The following RAD18 variants were observed in gnomAD, a reference collection of about 807,000 sequenced individuals.
The protein encoded by RAD18 is RAD18 E3 ubiquitin protein ligase.
Under a neutral mutation model 60.4 loss-of-function variants are expected in RAD18, and 47 were observed. The ratio of observed to expected loss-of-function variants is 0.78; its 90% CI spans 0.62 to 0.99. The LOEUF (loss-of-function observed/expected upper bound fraction) is 0.99. Among genes scored for constraint, RAD18 ranks in the 50% least tolerant of loss-of-function variants. The pLI is 0.00. For synonymous variants in RAD18, 225 were observed against 195.5 expected (o/e 1.15, Z -1.26); for missense variants, 640 against 593.3 (o/e 1.08, Z -0.82).
At chr3:8,926,066 A>G (rs1940427830) in intron 7 of RAD18, among the ~76,000 whole-genome samples, 1 of 152,006 alleles carries the variant, frequency 6.6e-6, no homozygotes, top group Non-Finnish European at 1.5e-5. Flanking sequence ...GGCCAGGGCA[A>G]TTAGGCAGGA....
intron 7 of RAD18, among the ~76,000 whole-genome samples, chr3:8,933,341 G>A (rs1490327373): frequency 6.6e-6 from 1 of 152,136 alleles, no homozygotes; most frequent in African/African-American, 2.4e-5. Flanking sequence ...CAGCAAAGGG[G>A]CACTGGAACT....
At chr3:8,905,195 C>A (rs185024611) in intron 9 of RAD18, among the ~76,000 whole-genome samples, 35 of 152,346 alleles carry the variant, frequency 2.3e-4, no homozygotes, top group Admixed American at 7.8e-4. Flanking sequence ...AGTGGCTCAG[C>A]TAGTCGTGGG....
chr3:8,916,426 G>A (rs935105324), intron 7 of RAD18, among the ~76,000 whole-genome samples: 5 of 152,194 alleles, frequency 3.3e-5, no homozygotes, highest in African/African-American at 1.2e-4. Context: ...CCTCTCTGAG[G>A]CACAGGCTCA....
intron 11 of RAD18, among the ~76,000 whole-genome samples, chr3:8,898,378 ATGCG>A (rs1336264030): frequency 2.5e-5 from 2 of 79,038 alleles, no homozygotes; most frequent in South Asian, 1.3e-3. Context: ...GTGTGTGTGC[ATGCG>A]TGTGTGTGTG....
At chr3:8,904,822 CAT>C in intron 9 of RAD18, among the ~76,000 whole-genome samples, 1 of 152,310 alleles carries the variant, frequency 6.6e-6, no homozygotes, top group East Asian at 1.9e-4. Flanking sequence ...CCACTGTACA[CAT>C]AAAGACTGGA....
intron 7 of RAD18, among the ~76,000 whole-genome samples, chr3:8,917,611 G>A (rs1369291403): frequency 1.3e-5 from 2 of 151,876 alleles, no homozygotes; most frequent in South Asian, 2.1e-4. Flanking sequence ...GCAAACCCTA[G>A]AGAGAACACT....
In RAD18 at chr3:8,899,058, ATAAATT is replaced by A; in HGVS notation, c.1169-17_1169-12del. 1 of 1,565,158 alleles carries A rather than the reference ATAAATT, an allele frequency of 6.4e-7. No individual in the cohort carries two copies. Among genetic ancestry groups the A allele is most frequent in the East Asian group, 2.3e-5 (1 of 44,104 alleles). On this transcript the variant is annotated splice_polypyrimidine_tract_variant and intron_variant, in intron 10 of 12. Transcript: ENST00000264926. Reference sequence around the variant, plus strand: ...TATTATCTTCCTGTCCTAGGAAAAAATAAATTTAAGAGTACCTTAAAATCTACAACT... The same window carrying A: ...TATTATCTTCCTGTCCTAGGAAAAAATAAGAGTACCTTAAAATCTACAACT...
intron 7 of RAD18, among the ~76,000 whole-genome samples, chr3:8,929,722 A>C (rs1032925555): frequency 6.6e-6 from 1 of 151,430 alleles, no homozygotes; most frequent in Non-Finnish European, 1.5e-5. Flanking sequence ...GCTCACTGCA[A>C]CCTCCGCCTC....
chr3:8,923,947 C>A (rs1940377796), intron 7 of RAD18, among the ~76,000 whole-genome samples: 1 of 152,170 alleles, frequency 6.6e-6, no homozygotes, highest in African/African-American at 2.4e-5. Context: ...CCAGTACCAG[C>A]CACTGCAAAA....
rs768876261 is a variant in RAD18 at position 8,958,928 on chromosome 3, G to C, written c.125C>G (p.Ser42Ter). 1 of 1,612,074 alleles carries C rather than the reference G, an allele frequency of 6.2e-7. No homozygotes were observed. Among genetic ancestry groups the C allele is most frequent in the Admixed American group, 1.7e-5 (1 of 60,002 alleles). ...GAACAAAACATACTTACAGTTATGT[G>C]AACACTGAGGTATTATCATTGCAAT... is the stretch of plus-strand genomic sequence containing the variant. ...FNIAMIIPQCSHNYCSLCIRK... is the reference protein window; with the variant it reads ...FNIAMIIPQC The change falls in exon 2 of 13, where the codon TCA becomes TGA. Residue 42 changes from serine to a stop codon, truncating the protein, a stop_gained. Coordinates refer to ENST00000264926, the MANE Select transcript of RAD18 (RefSeq NM_020165.4). LOFTEE classifies it high-confidence loss of function.
intron 9 of RAD18, 112 bp downstream of exon 9, chr3:8,912,200 T>C (rs968111766): frequency 3.5e-5 from 30 of 857,172 alleles, no homozygotes; most frequent in Non-Finnish European, 4.9e-5. Flanking sequence ...TTAAGTAATG[T>C]TAACAAAAGT....
intron 7 of RAD18, among the ~76,000 whole-genome samples, chr3:8,916,742 G>A (rs1177837012): frequency 6.6e-6 from 1 of 151,448 alleles, no homozygotes; most frequent in Non-Finnish European, 1.5e-5. Flanking sequence ...CTCAGCTAAG[G>A]AAAGAATCAG....
At chr3:8,935,001 A>G (rs1940623864) in intron 7 of RAD18, among the ~76,000 whole-genome samples, 1 of 152,250 alleles carries the variant, frequency 6.6e-6, no homozygotes, top group African/African-American at 2.4e-5. Flanking sequence ...GATCAAACAT[A>G]GGCAAAATGA....
intron 12 of RAD18, among the ~76,000 whole-genome samples, chr3:8,888,232 A>ATGAAACAAGTT (rs1939613994): frequency 1.3e-5 from 2 of 152,298 alleles, no homozygotes. Flanking sequence ...TGTGAGTATA[A>ATGAAACAAGTT]TGAAACAAGT....
intron 11 of RAD18, among the ~76,000 whole-genome samples, chr3:8,896,175 A>C (rs1252424819): frequency 6.6e-6 from 1 of 152,244 alleles, no homozygotes; most frequent in Non-Finnish European, 1.5e-5. Flanking sequence ...TCTTATTTTC[A>C]GAAGAACAAA....
chr3:8,929,187 C>T (rs958121509), intron 7 of RAD18, among the ~76,000 whole-genome samples: 2 of 151,158 alleles, frequency 1.3e-5, no homozygotes, highest in African/African-American at 4.9e-5. Flanking sequence ...AAAAGAAGAG[C>T]AAATTAAACC....
chr3:8,951,040 C>T (rs1348224758), intron 2 of RAD18, among the ~76,000 whole-genome samples: 2 of 151,996 alleles, frequency 1.3e-5, no homozygotes, highest in Non-Finnish European at 2.9e-5. Context: ...AAAGATGTAA[C>T]ATACACATAA....
intron 12 of RAD18, among the ~76,000 whole-genome samples, chr3:8,887,813 C>G (rs1939596408): frequency 6.6e-6 from 1 of 152,138 alleles, no homozygotes; most frequent in African/African-American, 2.4e-5. Flanking sequence ...TATAGCCTTT[C>G]TAGCTGGGGA....
intron 7 of RAD18, among the ~76,000 whole-genome samples, chr3:8,923,501 T>C (rs1466383483): frequency 1.3e-5 from 2 of 152,066 alleles, no homozygotes; most frequent in African/African-American, 2.4e-5. Context: ...CAGGATATTA[T>C]CCAGGAGAAC....
Sources: gnomAD v4.1 joint callset for allele counts (sites outside exome capture counted in the v4.1 genomes callset) on GRCh38, gnomAD v4.1.1 for gene constraint, MANE v1.5 for transcripts, NCBI Gene and HGNC (gene_info 2026-07-23, HGNC 2026-07-21) for gene names.